VAT1L: variants seen among roughly 807,000 people sequenced by gnomAD.
VAT1L encodes the protein putative NADPH-dependent quinone oxidoreductase VAT1L.
Under a neutral mutation model 44.1 loss-of-function variants are expected in VAT1L, and 34 were observed. That is an observed-to-expected ratio of 0.77 (90% CI 0.59 to 1.03). The LOEUF is 1.03. Ranked by LOEUF, VAT1L falls within the 50% of genes least tolerant of loss-of-function variation. VAT1L has a pLI of 0.00. For synonymous variants in VAT1L, 253 were observed against 202.2 expected, an observed-to-expected ratio of 1.25 and a Z score of -2.13; for missense variants, 615 against 538.8, an observed-to-expected ratio of 1.14 and a Z score of -1.40.
chr16:77,799,602 T>C (rs531432236), intron 1 of VAT1L, among the ~76,000 whole-genome samples: 7 of 150,400 alleles, frequency 4.7e-5, no homozygotes, highest in African/African-American at 1.7e-4. Context: ...CCAAAAGGAA[T>C]GGAGAGCAAT....
rs138615159 is a variant in VAT1L at position 77,906,048 on chromosome 16, C to A, written c.1077+21246C>A. Among the ~76,000 whole-genome samples, 409 of 152,306 alleles carry A rather than the reference C, an allele frequency of 2.7e-3. 4 individuals carry two copies. The highest frequency in any genetic ancestry group is 9.1e-3 in the African/African-American group (378 of 41,564). ...CTTGGCTCACATCAGGAACTCATTTCACCACTGTCCCCCCAGTAATGAGTG... is the reference window on the plus strand; with the variant it reads ...CTTGGCTCACATCAGGAACTCATTTAACCACTGTCCCCCCAGTAATGAGTG... On this transcript the variant is annotated intron_variant, in intron 7 of 8. Transcript: ENST00000302536.
chr16:77,820,215 T>C (rs1407409775), intron 2 of VAT1L, among the ~76,000 whole-genome samples: 4 of 152,184 alleles, frequency 2.6e-5, no homozygotes, highest in Non-Finnish European at 2.9e-5. Flanking sequence ...CCTGGTCAGA[T>C]TGAACTTTTA....
At chr16:77,812,438 G>A (rs1173524387) in intron 1 of VAT1L, among the ~76,000 whole-genome samples, 2 of 152,122 alleles carry the variant, frequency 1.3e-5, no homozygotes, top group Non-Finnish European at 2.9e-5. Flanking sequence ...ATGGTGTTAT[G>A]GGATACACAA....
chr16:77,956,259 A>T (rs142670466), intron 7 of VAT1L, among the ~76,000 whole-genome samples: 32 of 152,240 alleles, frequency 2.1e-4, no homozygotes, highest in African/African-American at 6.5e-4. Flanking sequence ...AAAAAGAAAA[A>T]ATAACCTTGG....
At chr16:77,957,095 A>C (rs1039104694) in intron 7 of VAT1L, among the ~76,000 whole-genome samples, 1 of 152,200 alleles carries the variant, frequency 6.6e-6, no homozygotes, top group Non-Finnish European at 1.5e-5. Flanking sequence ...GTACCAACTT[A>C]ATAAATGGTA....
chr16:77,940,200 G>A (rs1165001794), intron 7 of VAT1L, among the ~76,000 whole-genome samples: 1 of 152,120 alleles, frequency 6.6e-6, no homozygotes, highest in African/African-American at 2.4e-5. Context: ...TACAGCATTT[G>A]CCAACTTCCA....
chr16:77,916,144 G>T (rs1265126028), intron 7 of VAT1L, among the ~76,000 whole-genome samples: 1 of 152,162 alleles, frequency 6.6e-6, no homozygotes, highest in Non-Finnish European at 1.5e-5. Flanking sequence ...GCACGGTAGG[G>T]TCTGTACGAA....
At chr16:77,833,674 C>G (rs1039455324) in intron 3 of VAT1L, among the ~76,000 whole-genome samples, 3 of 151,942 alleles carry the variant, frequency 2.0e-5, no homozygotes, top group Non-Finnish European at 4.4e-5. Context: ...CTGCTTGAAC[C>G]AGGGAGTCGG....
At chr16:77,927,451 G>A (rs1256552423) in intron 7 of VAT1L, among the ~76,000 whole-genome samples, 3 of 151,932 alleles carry the variant, frequency 2.0e-5, no homozygotes, top group African/African-American at 7.3e-5. Context: ...GTACAAACAG[G>A]ATCAAAACCA....
In VAT1L at chr16:77,978,013, A is replaced by G. The variant is rs554839604; in HGVS notation, c.*318A>G. The stretch of plus-strand genomic sequence containing the variant: ...ATACAAGTCCCAGGCCCAATGCCTA[A>G]GAGACCAGACGTGGGCAAAGACAAG... On this transcript the variant is annotated 3_prime_UTR_variant, in exon 9 of 9. Transcript: ENST00000302536. 2 of 260,080 alleles carry G rather than the reference A, an allele frequency of 7.7e-6. No individual in the cohort carries two copies. Among genetic ancestry groups the G allele is most frequent in the South Asian group, 5.0e-5 (1 of 20,002 alleles). The allele number at this position is 260,080 out of a possible 1,614,324, so 16.1% of individuals were successfully genotyped here.
intron 8 of VAT1L, 81 bp downstream of exon 8, chr16:77,972,014 A>G: frequency 7.3e-7 from 1 of 1,377,384 alleles, no homozygotes; most frequent in Non-Finnish European, 1.0e-6. Context: ...CGGGTGGGGT[A>G]GAAGGAAGTA....
At position 77,978,314 on chromosome 16, in the gene VAT1L, T is replaced by C. The variant is rs1405714315; in HGVS notation, c.*619T>C. 1 of 152,476 alleles carries C rather than the reference T, an allele frequency of 6.6e-6. No individual in the cohort carries two copies. The highest frequency in any genetic ancestry group is 1.5e-5 in the Non-Finnish European group (1 of 68,246). The allele number at this position is 152,476 out of a possible 1,614,324, so 9.4% of individuals were successfully genotyped here. A position where few individuals can be genotyped will look rare whatever the true frequency, so the allele number is the denominator to read the frequency against. On this transcript the variant is annotated 3_prime_UTR_variant, in exon 9 of 9. Transcript: ENST00000302536. ...TGTCTGACCCTTTCACTGGCTCTTATCTGTAAACACAGGGAGGCAGGTATG... is the reference window on the plus strand; with the variant it reads ...TGTCTGACCCTTTCACTGGCTCTTACCTGTAAACACAGGGAGGCAGGTATG...
chr16:77,795,277 T>TGGG (rs145455817), intron 1 of VAT1L, among the ~76,000 whole-genome samples: 4 of 71,072 alleles, frequency 5.6e-5, no homozygotes, highest in Non-Finnish European at 9.8e-5. Flanking sequence ...GAATTTACAG[T>TGGG]GGGGGCGGGG....
chr16:77,890,348 A>G (rs1489317926), intron 7 of VAT1L, among the ~76,000 whole-genome samples: 1 of 152,112 alleles, frequency 6.6e-6, no homozygotes, highest in Non-Finnish European at 1.5e-5. Flanking sequence ...TGTTTGGTCA[A>G]TGGAGTCAAA....
intron 7 of VAT1L, among the ~76,000 whole-genome samples, chr16:77,903,830 G>A (rs1401094449): frequency 6.7e-6 from 1 of 149,352 alleles, no homozygotes; most frequent in African/African-American, 2.5e-5. Flanking sequence ...TCCGCCTCCT[G>A]GGTTCATGCC....
intron 2 of VAT1L, among the ~76,000 whole-genome samples, chr16:77,822,252 A>T (rs2016463971): frequency 6.6e-6 from 1 of 152,170 alleles, no homozygotes; most frequent in Non-Finnish European, 1.5e-5. Context: ...CTCCTGCCTC[A>T]GCCTCCCAAA....
In VAT1L at chr16:77,977,872, G is replaced by T. The variant is rs777542077; in HGVS notation, c.*177G>T. On this transcript the variant is annotated 3_prime_UTR_variant, in exon 9 of 9. Coordinates refer to ENST00000302536, the MANE Select transcript of VAT1L (RefSeq NM_020927.3). The stretch of plus-strand genomic sequence containing the variant: ...TTGTTTTTTGAAGTGCCAATCCCAT[G>T]CCATGCAGTATTATGTCCCTCTCCT... 8.8e-5 allele frequency: 54 copies of T among 615,922 alleles called. No individual in the cohort carries two copies. Among genetic ancestry groups the T allele is most frequent in the Middle Eastern group, 4.5e-4 (1 of 2,208 alleles). 38.2% of individuals were successfully genotyped at this position (615,922 alleles called of 1,614,324 possible).
intron 4 of VAT1L, among the ~76,000 whole-genome samples, chr16:77,867,249 AT>A (rs1230952062): frequency 6.6e-6 from 1 of 152,142 alleles, no homozygotes; most frequent in Admixed American, 6.5e-5. Context: ...CGTGAAGCAT[AT>A]GTTCATTACG....
intron 7 of VAT1L, among the ~76,000 whole-genome samples, chr16:77,903,605 T>C (rs550116032): frequency 3.1e-4 from 47 of 152,318 alleles, no homozygotes; most frequent in African/African-American, 1.1e-3. Context: ...ACAACCACCC[T>C]ATCTAGACTT....
Sources: allele counts gnomAD v4.1 joint callset (sites outside exome capture counted in the v4.1 genomes callset), GRCh38; gene constraint gnomAD v4.1.1; transcripts MANE v1.5; gene names NCBI Gene and HGNC (gene_info 2026-07-23, HGNC 2026-07-21).